Variants in GSE1 observed in about 807,000 individuals in gnomAD.
GSE1 encodes the protein Gse1 coiled-coil protein.
A neutral mutation model predicts 112.6 loss-of-function variants in GSE1; 32 were observed. The ratio of observed to expected loss-of-function variants is 0.28; its 90% CI spans 0.21 to 0.38. The LOEUF (loss-of-function observed/expected upper bound fraction) is 0.38, where lower values mean the gene tolerates loss of function less well. GSE1 is among the 10% of genes least tolerant of loss of function. The pLI is 1.00. For missense variants in GSE1, 2,348 were observed against 1,699.2 expected, an observed-to-expected ratio of 1.38 and a Z score of -6.71; for synonymous variants, 1,115 against 735.6, an observed-to-expected ratio of 1.52 and a Z score of -8.35.
chr16:85,661,070 G>C (rs538664575), intron 8 of GSE1, 76 bp from the exon 9 acceptor site: 1 of 1,400,368 alleles, frequency 7.1e-7, no homozygotes, highest in Non-Finnish European at 9.7e-7. Flanking sequence ...TCTTAGGAGC[G>C]GCAGGCAGCC....
At chr16:85,233,673 G>A (rs1438550861) in intron 1 of GSE1, among the ~76,000 whole-genome samples, 1 of 152,086 alleles carries the variant, frequency 6.6e-6, no homozygotes, top group African/African-American at 2.4e-5. Context: ...GATGGGTGGT[G>A]GAGGCAGTGG....
In GSE1 at chr16:85,311,433, C is replaced by A. The variant is rs1023699122; in HGVS notation, c.2284-46030C>A. Among the ~76,000 whole-genome samples, 1 of 151,712 alleles carries A rather than the reference C, an allele frequency of 6.6e-6. No individual in the cohort carries two copies. The highest frequency in any genetic ancestry group is 6.6e-5 in the Admixed American group (1 of 15,248). ...CATCGGAGGCAACCTGCCCTCGTGG[C>A]ACCACAAGAGAGCTGCTGGGGACAG... On this transcript the variant is annotated intron_variant, in intron 1 of 2. Transcript: ENST00000637419. This position sits in a 1 kb window ranked among gnomAD's most constrained non-coding sequence, Gnocchi z 4.2.
At position 85,662,974 on chromosome 16, in the gene GSE1, C is replaced by G; in HGVS notation, c.2261-7C>G. On this transcript the variant is annotated splice_region_variant and splice_polypyrimidine_tract_variant and intron_variant, in intron 9 of 15. Coordinates refer to ENST00000253458, the MANE Select transcript of GSE1 (RefSeq NM_014615.5). ...TGTCTGGCTGAATACAACCATTTCT[C>G]CATCAGGGTACTACTACGACCTCGA... 1 of 1,560,792 alleles carries G rather than the reference C, an allele frequency of 6.4e-7. No homozygotes were observed. Among genetic ancestry groups the G allele is most frequent in the African/African-American group, 1.4e-5 (1 of 73,688 alleles).
intron 2 of GSE1, among the ~76,000 whole-genome samples, chr16:85,379,125 C>A (rs1006902000): frequency 6.6e-6 from 1 of 152,214 alleles, no homozygotes; most frequent in Non-Finnish European, 1.5e-5. Flanking sequence ...GAGCTGCTAT[C>A]TCCCTGGACT....
At chr16:85,666,521 C>T (rs1043382923) in intron 13 of GSE1, 174 bp downstream of exon 13, 6 of 661,150 alleles carry the variant, frequency 9.1e-6, no homozygotes, top group African/African-American at 7.3e-5. Flanking sequence ...TTGTTTATCT[C>T]CAAGCTCTAA....
At chr16:85,645,249 C>A (rs1380247035) in intron 2 of GSE1, among the ~76,000 whole-genome samples, 1 of 152,066 alleles carries the variant, frequency 6.6e-6, no homozygotes. Flanking sequence ...CCTCATTCCC[C>A]ACCTGGGCCA....
intron 1 of GSE1, among the ~76,000 whole-genome samples, chr16:85,580,864 C>T (rs533554889): frequency 4.9e-4 from 74 of 152,368 alleles, no homozygotes; most frequent in South Asian, 1.0e-3. Context: ...GAGCCCTCCA[C>T]GGAAATCAAC....
chr16:85,657,627 G>A (rs771721464), intron 8 of GSE1, 23 bp downstream of exon 8: 2 of 1,461,692 alleles, frequency 1.4e-6, no homozygotes, highest in East Asian at 2.4e-5. Flanking sequence ...CAGGAAGGAA[G>A]GAGGGATGAG....
intron 1 of GSE1, among the ~76,000 whole-genome samples, chr16:85,317,408 C>T (rs556451533): frequency 6.6e-6 from 1 of 152,266 alleles, no homozygotes; most frequent in South Asian, 2.1e-4. Flanking sequence ...GCTGCAGACT[C>T]ATGCCCCCAG....
chr16:85,491,997 C>T (rs939258382), intron 2 of GSE1, among the ~76,000 whole-genome samples: 2 of 152,112 alleles, frequency 1.3e-5, no homozygotes, highest in East Asian at 3.9e-4. Context: ...TTTCTGCTTA[C>T]CTGGGCACCA....
upstream of GSE1, among the ~76,000 whole-genome samples, chr16:85,554,534 T>G (rs2045100009): frequency 1.3e-5 from 2 of 151,962 alleles, no homozygotes; most frequent in Admixed American, 6.6e-5. Context: ...ATCAAGCATT[T>G]GATTACACTT....
chr16:85,558,420 T>G (rs1256283420), intron 1 of GSE1, among the ~76,000 whole-genome samples: 1 of 152,240 alleles, frequency 6.6e-6, no homozygotes, highest in Non-Finnish European at 1.5e-5. Context: ...CCTCTTCACC[T>G]GCCACTGGAG....
At chr16:85,531,354 T>A (rs185737392) in intron 2 of GSE1, among the ~76,000 whole-genome samples, 124 of 152,178 alleles carry the variant, frequency 8.1e-4, no homozygotes, top group Admixed American at 9.8e-4. Flanking sequence ...TAGGAGTAAG[T>A]CGTCCAGGGC....
intron 2 of GSE1, among the ~76,000 whole-genome samples, chr16:85,469,803 C>G (rs1003119703): frequency 6.6e-6 from 1 of 152,222 alleles, no homozygotes; most frequent in African/African-American, 2.4e-5. Flanking sequence ...AAAATCCAGC[C>G]TTTTCCCCAG....
At chr16:85,173,000 T>G (rs1171594458) in intron 1 of GSE1, among the ~76,000 whole-genome samples, 1 of 152,250 alleles carries the variant, frequency 6.6e-6, no homozygotes. Flanking sequence ...CAAGCTGTCT[T>G]TGTGGCTTTG....
rs1271368662 is a variant in GSE1 at position 85,239,499 on chromosome 16, T to C, written c.2283+67692T>C. Among the ~76,000 whole-genome samples, 3 of 152,346 alleles carry C rather than the reference T, an allele frequency of 2.0e-5. No homozygotes were observed. The East Asian group carries it at 5.8e-4, about 29-fold the overall frequency. On this transcript the variant is annotated intron_variant, in intron 1 of 2. Coordinates refer to the GSE1 transcript ENST00000637419. ...CTGACCTGTCCTTGCACGGCTGCCC[T>C]GAGTCCCCCTGGGCTCCACCTGCAA...
At chr16:85,599,315 C>T (rs1403522733) in intron 1 of GSE1, among the ~76,000 whole-genome samples, 9 of 152,182 alleles carry the variant, frequency 5.9e-5, no homozygotes, top group East Asian at 1.9e-4. Flanking sequence ...GGTCAGATGA[C>T]GAGGTGAGCT....
At chr16:85,322,806 G>A (rs1209149799) in intron 1 of GSE1, among the ~76,000 whole-genome samples, 3 of 151,980 alleles carry the variant, frequency 2.0e-5, no homozygotes, top group Non-Finnish European at 4.4e-5. Context: ...AGTAGAGAGG[G>A]GGTTTCACCA....
intron 1 of GSE1, among the ~76,000 whole-genome samples, chr16:85,614,494 G>T (rs1187564311): frequency 6.6e-6 from 1 of 152,194 alleles, no homozygotes; most frequent in African/African-American, 2.4e-5. Context: ...TCGAGGCGCA[G>T]GCCATAGGGA....
Sources: gnomAD v4.1 joint callset for allele counts (sites outside exome capture counted in the v4.1 genomes callset) on GRCh38, gnomAD v4.1.1 for gene constraint, Gnocchi (gnomAD v3.1) non-coding constraint, MANE v1.5 for transcripts, NCBI Gene and HGNC (gene_info 2026-07-23, HGNC 2026-07-21) for gene names.